OSBPL5: variants seen among roughly 807,000 people sequenced by gnomAD.
The protein encoded by OSBPL5 is oxysterol-binding protein-related protein 5.
Under a neutral mutation model 111.2 loss-of-function variants are expected in OSBPL5, and 71 were observed. The ratio of observed to expected loss-of-function variants is 0.64; its 90% CI spans 0.53 to 0.78. OSBPL5 has a LOEUF of 0.78. OSBPL5 is among the 30% of genes least tolerant of loss of function. OSBPL5 has a pLI of 0.00. For missense variants in OSBPL5, 1,210 were observed against 1,189.3 expected (o/e 1.02, Z -0.26); for synonymous variants, 549 against 513.9 (o/e 1.07, Z -0.93).
At position 3,092,547 on chromosome 11, in the gene OSBPL5, C is replaced by A; in HGVS notation, c.2144G>T (p.Trp715Leu). 6.3e-7 allele frequency: 1 copy of A among 1,591,242 alleles called. No individual in the cohort carries two copies. Among genetic ancestry groups the A allele is most frequent in the Non-Finnish European group, 8.6e-7 (1 of 1,168,868 alleles). ...WHYRYEDHSP[W>L]DPLKDIAQFE... The stretch of plus-strand genomic sequence containing the variant: ...CTGGGCGATGTCCTTCAGGGGGTCC[C>A]AGGGGCTGTGGCTGGAGGGTCCAGA... The change falls in exon 19 of 22, where the codon TGG (tryptophan) becomes TTG (leucine). Residue 715 changes from tryptophan (W) to leucine (L), a missense_variant. Physicochemically the swap from Trp to Leu is moderately conservative, Grantham distance 61. Transcript: ENST00000263650. This position sits in a 1 kb window ranked among gnomAD's most constrained non-coding sequence, Gnocchi z 5.4.
rs1846124753 is a variant in OSBPL5 at position 3,141,743 on chromosome 11, T to A, written c.-21-12574A>T. Reference sequence around the variant, plus strand: ...CCACCCTTGCATGTGTGTCCTCCCCTGGGCACAGGATGCTAAATGGGGTGA... The same window carrying A: ...CCACCCTTGCATGTGTGTCCTCCCCAGGGCACAGGATGCTAAATGGGGTGA... On this transcript the variant is annotated intron_variant, in intron 1 of 21. Coordinates refer to ENST00000263650, the MANE Select transcript of OSBPL5 (RefSeq NM_020896.4). This position sits in a 1 kb window ranked among gnomAD's most constrained non-coding sequence, Gnocchi z 6.5. 6.6e-6 allele frequency among the ~76,000 whole-genome samples: 1 copy of A among 152,074 alleles called. No homozygotes were observed. Among genetic ancestry groups the A allele is most frequent in the Admixed American group, 6.5e-5 (1 of 15,270 alleles).
At chr11:3,160,530 A>C (rs1255152270) in intron 1 of OSBPL5, among the ~76,000 whole-genome samples, 1 of 151,774 alleles carries the variant, frequency 6.6e-6, no homozygotes, top group Admixed American at 6.6e-5. Flanking sequence ...CCTTTAGTTG[A>C]CTCTGTCTTA....
chr11:3,152,790 A>C (rs961528998), intron 1 of OSBPL5, among the ~76,000 whole-genome samples: 13 of 152,212 alleles, frequency 8.5e-5, no homozygotes, highest in African/African-American at 1.4e-4. Flanking sequence ...GTTGAGCGAG[A>C]AACAGAAGAA....
In OSBPL5 at chr11:3,140,616, C is replaced by T. The variant is rs1846078941; in HGVS notation, c.-21-11447G>A. On this transcript the variant is annotated intron_variant, in intron 1 of 21. Coordinates refer to ENST00000263650, the MANE Select transcript of OSBPL5 (RefSeq NM_020896.4). The surrounding 1 kb of genome is among the most constrained non-coding windows in gnomAD (Gnocchi z 4.5). ...CTGTCCACCCAAGTACATGCTGCCC[C>T]ACCAGTGGACAGGCATCGTCGTCCC... is the stretch of plus-strand genomic sequence containing the variant. Among the ~76,000 whole-genome samples, 1 of 152,156 alleles carries T rather than the reference C, an allele frequency of 6.6e-6. No homozygotes were observed.
intron 10 of OSBPL5, 55 bp from the exon 11 acceptor site, chr11:3,103,375 C>G: frequency 6.7e-7 from 1 of 1,495,816 alleles, no homozygotes; most frequent in Non-Finnish European, 9.1e-7. Flanking sequence ...GGGCCACCCT[C>G]CCTTTCCCTG....
intron 1 of OSBPL5, among the ~76,000 whole-genome samples, chr11:3,143,038 G>C (rs111256699): frequency 0.062 from 4,713 of 76,306 alleles, 809 homozygotes; most frequent in African/African-American, 0.19. Context: ...TGCGGGGGGG[G>C]GCAGAGGAGG....
In OSBPL5 at chr11:3,133,686, A is replaced by G. The variant is rs368488865; in HGVS notation, c.-21-4517T>C. Among the ~76,000 whole-genome samples the G allele has an allele frequency of 2.1e-3, 314 of 152,356 alleles. 1 individual carries two copies. Among genetic ancestry groups the G allele is most frequent in the African/African-American group, 7.2e-3 (301 of 41,582 alleles). ...GCCAAACCCTTTTCCGCCACTGTGC[A>G]TGGTGCTGCGTCCATCTCCAGCTGT... On this transcript the variant is annotated intron_variant, in intron 1 of 21. Transcript: ENST00000263650.
At chr11:3,143,354 C>T (rs963593482) in intron 1 of OSBPL5, among the ~76,000 whole-genome samples, 3 of 152,128 alleles carry the variant, frequency 2.0e-5, no homozygotes, top group Non-Finnish European at 4.4e-5. Context: ...CGCACGGACG[C>T]GACACACCCA....
chr11:3,102,146 C>A, intron 12 of OSBPL5, 37 bp downstream of exon 12: 1 of 1,556,264 alleles, frequency 6.4e-7, no homozygotes. Context: ...CCCATAGAGC[C>A]CAGCACCCAG....
At chr11:3,118,606 C>T (rs889666662) in intron 7 of OSBPL5, among the ~76,000 whole-genome samples, 3 of 143,748 alleles carry the variant, frequency 2.1e-5, no homozygotes, top group African/African-American at 5.2e-5. Flanking sequence ...GAGTCTCCCT[C>T]TGTCACCCAG....
At chr11:3,103,179 G>C in intron 11 of OSBPL5, 60 bp downstream of exon 11, 5 of 1,476,450 alleles carry the variant, frequency 3.4e-6, no homozygotes, top group Non-Finnish European at 4.6e-6. Context: ...CAAGGGACGA[G>C]GGCTGAGCAG....
At chr11:3,117,702 G>C (rs1858260099) in intron 7 of OSBPL5, among the ~76,000 whole-genome samples, 1 of 152,070 alleles carries the variant, frequency 6.6e-6, no homozygotes, top group Non-Finnish European at 1.5e-5. Context: ...CCTAATTTTT[G>C]TTGGCTATAG....
chr11:3,107,374 G>A lies in OSBPL5; in HGVS notation c.948C>T (p.Thr316=), dbSNP rs1411903253. The change falls in exon 9 of 22, where the codon ACC becomes ACT. Residue 316 remains threonine (T), a synonymous_variant. Transcript: ENST00000263650. The surrounding 1 kb of genome is among the most constrained non-coding windows in gnomAD (Gnocchi z 6.1). ...TCTCCGTCTTCCGGCTATGGTCCTG[G>A]GTCTCGGTATCTGACTCCTCAGGGT... ...RENPEESDTE[T]QDHSRKTESG... 1.2e-6 allele frequency: 2 copies of A among 1,613,914 alleles called. No individual in the cohort carries two copies. Among genetic ancestry groups the A allele is most frequent in the East Asian group, 2.2e-5 (1 of 44,884 alleles).
At chr11:3,131,763 A>C (rs1845799040) in intron 1 of OSBPL5, among the ~76,000 whole-genome samples, 5 of 58,622 alleles carry the variant, frequency 8.5e-5, no homozygotes, top group African/African-American at 1.6e-4. Flanking sequence ...TCCATCCACC[A>C]TCTTCCCATC....
In OSBPL5 at chr11:3,090,519, C is replaced by G. The variant is rs897345744; in HGVS notation, c.2398+39G>C. ...CCAGGTCAGCATCTGAGGCACCCCA[C>G]CAGACAGAGGCCTTGGGGCTGGGCC... On this transcript the variant is annotated intron_variant, in intron 20 of 21. Transcript: ENST00000263650. 4 of 1,599,126 alleles carry G rather than the reference C, an allele frequency of 2.5e-6. No individual in the cohort carries two copies. In the African/African-American group the frequency reaches 5.4e-5, roughly 21 times the overall value.
At chr11:3,129,227 C>A in intron 1 of OSBPL5, 58 bp from the exon 2 acceptor site, 1 of 1,343,122 alleles carries the variant, frequency 7.4e-7, no homozygotes, top group Non-Finnish European at 9.6e-7. Context: ...GGCTTCAGAG[C>A]CACATGGTGG....
intron 7 of OSBPL5, 88 bp downstream of exon 7, chr11:3,119,459 G>A: frequency 1.5e-6 from 2 of 1,344,794 alleles, no homozygotes; most frequent in Non-Finnish European, 9.9e-7. Context: ...GACTGAACTG[G>A]GGCCACCTGT....
At position 3,108,357 on chromosome 11, in the gene OSBPL5, C is replaced by T. The variant is rs992603057; in HGVS notation, c.692-412G>A. On this transcript the variant is annotated intron_variant, in intron 7 of 21. Coordinates refer to ENST00000263650, the MANE Select transcript of OSBPL5 (RefSeq NM_020896.4). Reference sequence around the variant, plus strand: ...AGAACACTCGGAACCAGCCTCCCACCCTGATGGCCACCCACAGGTTTCTGC... The same window carrying T: ...AGAACACTCGGAACCAGCCTCCCACTCTGATGGCCACCCACAGGTTTCTGC... Among the ~76,000 whole-genome samples, 5 of 152,200 alleles carry T rather than the reference C, an allele frequency of 3.3e-5. No individual in the cohort carries two copies. The South Asian group carries it at 1.0e-3, about 32-fold the overall frequency.
intron 1 of OSBPL5, among the ~76,000 whole-genome samples, chr11:3,134,317 C>T (rs1267192487): frequency 6.6e-6 from 1 of 152,348 alleles, no homozygotes; most frequent in African/African-American, 2.4e-5. Context: ...CCAGCAGGCA[C>T]GACTTCCATT....
Sources: allele counts gnomAD v4.1 joint callset (sites outside exome capture counted in the v4.1 genomes callset), GRCh38; gene constraint gnomAD v4.1.1; non-coding constraint Gnocchi (gnomAD v3.1); transcripts MANE v1.5; gene names NCBI Gene and HGNC (gene_info 2026-07-23, HGNC 2026-07-21).